MINDY4: variants seen among roughly 807,000 people sequenced by gnomAD.
MINDY4 encodes MINDY lysine 48 deubiquitinase 4.
In MINDY4, 68 loss-of-function variants were observed where a neutral mutation model predicts 87.0. The ratio of observed to expected loss-of-function variants is 0.78; its 90% CI spans 0.64 to 0.96. The LOEUF is 0.96. Ranked by LOEUF, MINDY4 falls within the 40% of genes least tolerant of loss-of-function variation. MINDY4 has a pLI of 0.00. For missense variants in MINDY4, 919 were observed against 928.2 expected (o/e 0.99, Z 0.13); for synonymous variants, 379 against 363.2 (o/e 1.04, Z -0.50).
intron 5 of MINDY4, among the ~76,000 whole-genome samples, chr7:30,814,267 A>G (rs566487863): frequency 3.3e-5 from 5 of 152,204 alleles, no homozygotes; most frequent in African/African-American, 1.2e-4. Context: ...CATTAGCTTC[A>G]TGGTAAATCA....
intron 5 of MINDY4, among the ~76,000 whole-genome samples, chr7:30,800,857 A>C (rs760584759): frequency 2.6e-5 from 4 of 152,210 alleles, no homozygotes; most frequent in Non-Finnish European, 5.9e-5. Flanking sequence ...GATGCCTGGC[A>C]GTTTTTCAGG....
intron 17 of MINDY4, among the ~76,000 whole-genome samples, chr7:30,890,822 G>C (rs774153780): frequency 6.6e-6 from 1 of 152,138 alleles, no homozygotes; most frequent in Non-Finnish European, 1.5e-5. Flanking sequence ...ATGAACCATT[G>C]ACTGAAACCT....
chr7:30,797,897 TATAC>T (rs1392752430), intron 5 of MINDY4, among the ~76,000 whole-genome samples: 1 of 152,052 alleles, frequency 6.6e-6, no homozygotes, highest in Non-Finnish European at 1.5e-5. Flanking sequence ...AATATGGGTG[TATAC>T]ATACATACAG....
chr7:30,812,804 C>CCCAG (rs1217458558), intron 5 of MINDY4, among the ~76,000 whole-genome samples: 1 of 152,164 alleles, frequency 6.6e-6, no homozygotes, highest in Non-Finnish European at 1.5e-5. Context: ...GGAATCCTCA[C>CCCAG]CCAGCCTTCT....
intron 3 of MINDY4, among the ~76,000 whole-genome samples, chr7:30,783,113 C>G (rs1280270630): frequency 1.3e-5 from 2 of 152,204 alleles, no homozygotes; most frequent in East Asian, 1.9e-4. Flanking sequence ...ATCAGTCTCA[C>G]TAGACTAAAG....
chr7:30,778,670 C>T lies in MINDY4; in HGVS notation c.183+119C>T, dbSNP rs567406208. The T allele has an allele frequency of 3.2e-4, 392 of 1,239,922 alleles. 3 individuals are homozygous for T. The South Asian group carries it at 4.7e-3, about 15-fold the overall frequency. The allele number at this position is 1,239,922 out of a possible 1,614,324, so 76.8% of individuals were successfully genotyped here. ...AGGTTCTCCTGGCCTGTCACACTTG[C>T]GGTCAGAGAGAAACGGACCCCCCAA... On this transcript the variant is annotated intron_variant, in intron 2 of 17. Coordinates refer to ENST00000265299, the MANE Select transcript of MINDY4 (RefSeq NM_032222.3).
intron 5 of MINDY4, among the ~76,000 whole-genome samples, chr7:30,802,825 C>T (rs779373782): frequency 4.2e-4 from 64 of 152,102 alleles, no homozygotes; most frequent in Non-Finnish European, 7.8e-4. Context: ...ACCACCCAAC[C>T]AACCAACCAT....
intron 15 of MINDY4, among the ~76,000 whole-genome samples, chr7:30,878,590 A>G (rs1790361327): frequency 6.6e-6 from 1 of 152,192 alleles, no homozygotes; most frequent in African/African-American, 2.4e-5. Context: ...TTGGAGGCCA[A>G]GCCCCTCCAG....
intron 5 of MINDY4, among the ~76,000 whole-genome samples, chr7:30,807,232 C>T (rs1046638600): frequency 2.0e-5 from 3 of 152,034 alleles, no homozygotes; most frequent in East Asian, 1.9e-4. Flanking sequence ...ACTGAGTGGC[C>T]GTATTCCAGA....
At chr7:30,795,428 G>T (rs542666590) in intron 5 of MINDY4, among the ~76,000 whole-genome samples, 2 of 152,164 alleles carry the variant, frequency 1.3e-5, no homozygotes, top group Non-Finnish European at 2.9e-5. Context: ...CTGTCACATG[G>T]CTTCAACCAT....
At chr7:30,871,137 T>TC (rs5883262) in intron 13 of MINDY4, among the ~76,000 whole-genome samples, 33,436 of 151,132 alleles carry the variant, frequency 0.22, 7,244 homozygotes, top group African/African-American at 0.56. Flanking sequence ...GGCTGTGTGT[T>TC]CCCCCCAGGG....
chr7:30,813,355 C>T (rs975084218), intron 5 of MINDY4, among the ~76,000 whole-genome samples: 4 of 152,214 alleles, frequency 2.6e-5, no homozygotes, highest in African/African-American at 4.8e-5. Flanking sequence ...TCCCCAGGTC[C>T]TGAATTCTGT....
At chr7:30,777,821 AACAGG>A (rs1292863302) in intron 1 of MINDY4, among the ~76,000 whole-genome samples, 3 of 152,232 alleles carry the variant, frequency 2.0e-5, no homozygotes, top group Non-Finnish European at 4.4e-5. Context: ...GGCACTTGCG[AACAGG>A]ACCCTCACTT....
At chr7:30,773,940 C>T (rs775346231) in intron 1 of MINDY4, among the ~76,000 whole-genome samples, 9 of 152,196 alleles carry the variant, frequency 5.9e-5, no homozygotes, top group Non-Finnish European at 1.0e-4. Context: ...AGCTCTTTTG[C>T]GCTTCTCTCC....
chr7:30,879,592 C>T (rs1402561872), intron 15 of MINDY4, among the ~76,000 whole-genome samples: 2 of 152,214 alleles, frequency 1.3e-5, no homozygotes, highest in African/African-American at 4.8e-5. Context: ...CTCTCGGGCT[C>T]TCTCCCACCT....
Position 30,778,450 on chromosome 7 carries a change from G to A in MINDY4, c.82G>A (p.Val28Met), listed in dbSNP as rs1470742007. ...CCCTCAGGGCTTAAAGAAGACATGT[G>A]TGACCATGGACCAGGAACGCCCACG... is the stretch of plus-strand genomic sequence containing the variant. The part of the protein sequence containing the change: ...LSRKGLKKTC[V>M]TMDQERPRSD... Residue 28 changes from valine (V) to methionine (M), a missense_variant, in exon 2 of 18, where the codon GTG becomes ATG. Transcript: ENST00000265299. 1 of 1,614,104 alleles carries A rather than the reference G, an allele frequency of 6.2e-7. No homozygotes were observed. The highest frequency in any genetic ancestry group is 8.5e-7 in the Non-Finnish European group (1 of 1,180,036).
intron 15 of MINDY4, among the ~76,000 whole-genome samples, chr7:30,880,799 G>C (rs956372064): frequency 6.6e-6 from 1 of 152,106 alleles, no homozygotes; most frequent in Admixed American, 6.5e-5. Context: ...CTTCGGTGTG[G>C]GGGGAGGGGA....
rs577313684 is a variant in MINDY4 at position 30,872,503 on chromosome 7, GT to G, written c.1809+200del. On this transcript the variant is annotated intron_variant, in intron 14 of 17. Transcript: ENST00000265299. The stretch of plus-strand genomic sequence containing the variant: ...CATGGAGACCCAGAAAGAGAGCTCA[GT>G]TTAGCTTCTGTTTCTGGACAGCTTT... 1.4e-3 allele frequency among the ~76,000 whole-genome samples: 214 copies of G among 152,352 alleles called. 2 individuals carry two copies. The highest frequency in any genetic ancestry group is 4.8e-3 in the African/African-American group (200 of 41,580).
intron 15 of MINDY4, among the ~76,000 whole-genome samples, chr7:30,879,991 A>G (rs1343402315): frequency 6.6e-6 from 1 of 152,190 alleles, no homozygotes; most frequent in Non-Finnish European, 1.5e-5. Flanking sequence ...GTGCAGTGGA[A>G]ATGTGTGGGT....
Sources: allele counts gnomAD v4.1 joint callset (sites outside exome capture counted in the v4.1 genomes callset), GRCh38; gene constraint gnomAD v4.1.1; transcripts MANE v1.5; gene names NCBI Gene and HGNC (gene_info 2026-07-23, HGNC 2026-07-21).